Variants in SSBP2 observed in about 807,000 individuals in gnomAD.
The protein encoded by SSBP2 is single stranded DNA binding protein 2, also known as single-stranded DNA-binding protein 2.
SSBP2 carries 17 observed loss-of-function variants against 61.8 expected under a neutral mutation model. That is an observed-to-expected ratio of 0.28 (90% CI 0.19 to 0.41). SSBP2 has a LOEUF of 0.41. SSBP2 is among the 10% of genes least tolerant of loss of function. The pLI is 1.00. For missense variants in SSBP2, 310 were observed against 458.7 expected (o/e 0.68, Z 2.96); for synonymous variants, 139 against 141.3 (o/e 0.98, Z 0.12).
intron 5 of SSBP2, 68 bp downstream of exon 5, chr5:81,513,560 G>A (rs758496052): frequency 1.6e-5 from 15 of 953,586 alleles, no homozygotes; most frequent in African/African-American, 3.3e-5. Flanking sequence ...ATCTTCCTTC[G>A]TATCTTTAAT....
chr5:81,428,786 T>A, intron 15 of SSBP2, 103 bp from the exon 16 acceptor site: 1 of 730,236 alleles, frequency 1.4e-6, no homozygotes, highest in Non-Finnish European at 2.3e-6. Flanking sequence ...GGACAAAGCA[T>A]ACTTCTAATT....
intron 4 of SSBP2, among the ~76,000 whole-genome samples, chr5:81,566,875 C>A (rs1195195751): frequency 6.6e-6 from 1 of 152,162 alleles, no homozygotes; most frequent in African/African-American, 2.4e-5. Flanking sequence ...AAGAGACTGG[C>A]AGCATTTGCC....
At chr5:81,460,536 A>T (rs1202557461) in intron 10 of SSBP2, among the ~76,000 whole-genome samples, 1 of 152,188 alleles carries the variant, frequency 6.6e-6, no homozygotes, top group Admixed American at 6.5e-5. Context: ...AATTCCCAAG[A>T]TGTCAGGTAT....
intron 1 of SSBP2, among the ~76,000 whole-genome samples, chr5:81,669,425 T>C (rs1254806382): frequency 6.6e-6 from 1 of 152,200 alleles, no homozygotes; most frequent in African/African-American, 2.4e-5. Flanking sequence ...TCAAGCAAGA[T>C]GATTTCAGTA....
chr5:81,716,537 C>T (rs1295559409), intron 1 of SSBP2, among the ~76,000 whole-genome samples: 4 of 152,168 alleles, frequency 2.6e-5, no homozygotes, highest in African/African-American at 9.7e-5. Flanking sequence ...TTGCCATACA[C>T]ACATACTTGT....
chr5:81,705,768 A>C (rs901325867), intron 1 of SSBP2, among the ~76,000 whole-genome samples: 1 of 152,228 alleles, frequency 6.6e-6, no homozygotes, highest in African/African-American at 2.4e-5. Flanking sequence ...TTAAAATGGC[A>C]AAACATTTTA....
At chr5:81,454,680 C>CA (rs200812832) in intron 10 of SSBP2, among the ~76,000 whole-genome samples, 141 of 138,390 alleles carry the variant, frequency 1.0e-3, no homozygotes, top group African/African-American at 2.1e-3. Context: ...AATTCCATCT[C>CA]AAAAAAAAAT....
intron 4 of SSBP2, among the ~76,000 whole-genome samples, chr5:81,541,136 G>A (rs534828198): frequency 2.0e-5 from 3 of 151,966 alleles, no homozygotes; most frequent in Non-Finnish European, 4.4e-5. Flanking sequence ...TTCAAGCTGA[G>A]AGCCAAACCA....
chr5:81,625,048 T>C (rs1747002613), intron 3 of SSBP2, among the ~76,000 whole-genome samples: 1 of 152,124 alleles, frequency 6.6e-6, no homozygotes. Context: ...CACCTATATA[T>C]GCTACATAAC....
At chr5:81,667,142 G>C (rs1751203466) in intron 1 of SSBP2, among the ~76,000 whole-genome samples, 1 of 152,112 alleles carries the variant, frequency 6.6e-6, no homozygotes, top group Non-Finnish European at 1.5e-5. Context: ...CTAGCTTTTT[G>C]CCTCAGGGCA....
chr5:81,650,375 A>G, intron 1 of SSBP2, 36 bp from the exon 2 acceptor site: 1 of 1,391,438 alleles, frequency 7.2e-7, no homozygotes, highest in Non-Finnish European at 9.8e-7. Flanking sequence ...GAGAAGAGGA[A>G]TATTAAAATT....
chr5:81,561,919 T>A (rs554883130), intron 4 of SSBP2, among the ~76,000 whole-genome samples: 20 of 152,236 alleles, frequency 1.3e-4, no homozygotes, highest in Admixed American at 2.0e-4. Context: ...TTTACTTTTT[T>A]TTGAGATGGA....
intron 1 of SSBP2, among the ~76,000 whole-genome samples, chr5:81,652,524 G>C (rs1243024668): frequency 6.6e-6 from 1 of 152,122 alleles, no homozygotes; most frequent in Non-Finnish European, 1.5e-5. Context: ...AGAATCTGCT[G>C]TGGCAGCTCA....
At chr5:81,430,521 T>C (rs1762219488) in intron 15 of SSBP2, among the ~76,000 whole-genome samples, 1 of 152,216 alleles carries the variant, frequency 6.6e-6, no homozygotes, top group Non-Finnish European at 1.5e-5. Flanking sequence ...TTGCCATATA[T>C]CATTTCTTGA....
At chr5:81,631,477 GAA>G (rs767588950) in intron 3 of SSBP2, among the ~76,000 whole-genome samples, 6 of 125,462 alleles carry the variant, frequency 4.8e-5, no homozygotes, top group South Asian at 5.2e-4. Context: ...AGAAGAAATG[GAA>G]AAAAAAAAAA....
intron 4 of SSBP2, among the ~76,000 whole-genome samples, chr5:81,560,427 C>T (rs1260787729): frequency 6.6e-6 from 1 of 152,044 alleles, no homozygotes; most frequent in African/African-American, 2.4e-5. Context: ...GCTTTTCATG[C>T]CAAAACAAGG....
chr5:81,549,513 T>C (rs1772010950), intron 4 of SSBP2, among the ~76,000 whole-genome samples: 1 of 152,202 alleles, frequency 6.6e-6, no homozygotes, highest in Non-Finnish European at 1.5e-5. Context: ...TGTTATTGTA[T>C]ATGCAATAAT....
intron 13 of SSBP2, among the ~76,000 whole-genome samples, chr5:81,442,307 T>C (rs897631554): frequency 6.6e-6 from 1 of 151,970 alleles, no homozygotes; most frequent in Non-Finnish European, 1.5e-5. Flanking sequence ...AAGATCACAA[T>C]GAAAAAGCTT....
chr5:81,454,584 G>A (rs1203548079), intron 10 of SSBP2, among the ~76,000 whole-genome samples: 1 of 152,050 alleles, frequency 6.6e-6, no homozygotes, highest in Non-Finnish European at 1.5e-5. Context: ...GGGAGCCTGA[G>A]ACAAGAGAAT....
Sources: allele counts gnomAD v4.1 joint callset (sites outside exome capture counted in the v4.1 genomes callset), GRCh38; gene constraint gnomAD v4.1.1; transcripts MANE v1.5; gene names NCBI Gene and HGNC (gene_info 2026-07-23, HGNC 2026-07-21).